Variants in RBFOX1 observed in about 807,000 individuals in gnomAD.
RBFOX1 encodes the protein RNA binding protein fox-1 homolog 1.
Under a neutral mutation model 57.7 loss-of-function variants are expected in RBFOX1, and 8 were observed. The observed-to-expected ratio is 0.14, with a 90% confidence interval of 0.08 to 0.25. The LOEUF is 0.25. Among genes scored for constraint, RBFOX1 ranks in the 10% least tolerant of loss-of-function variants. The probability of loss-of-function intolerance (pLI) is 1.00; values close to 1 mark genes in which losing one functional copy is unlikely to be tolerated. For synonymous variants in RBFOX1, 326 were observed against 222.4 expected, an observed-to-expected ratio of 1.47 and a Z score of -4.15; for missense variants, 611 against 548.5, an observed-to-expected ratio of 1.11 and a Z score of -1.14.
At chr16:6,596,411 C>T (rs2097777046) in intron 2 of RBFOX1, among the ~76,000 whole-genome samples, 1 of 152,022 alleles carries the variant, frequency 6.6e-6, no homozygotes, top group Non-Finnish European at 1.5e-5. Flanking sequence ...TGACTTTGAC[C>T]CTAGGGTGCG....
chr16:7,422,429 T>C (rs1321119677), intron 4 of RBFOX1, among the ~76,000 whole-genome samples: 1 of 152,192 alleles, frequency 6.6e-6, no homozygotes, highest in East Asian at 1.9e-4. Flanking sequence ...ATTACCTGCA[T>C]TATTTCGGTT....
chr16:5,525,376 C>T (rs1597396249), intron 2 of RBFOX1, among the ~76,000 whole-genome samples: 1 of 151,830 alleles, frequency 6.6e-6, no homozygotes, highest in Non-Finnish European at 1.5e-5. Context: ...TTTTATTACT[C>T]TGACTTTATA....
rs958667574 is a variant in RBFOX1 at position 6,639,411 on chromosome 16, G to A, written c.-63-15192G>A. ...TTCCCTTCCCAGGAGAACGTGTCCT[G>A]TTAGAAATTGCATCTTTTGTGGCCA... On this transcript the variant is annotated intron_variant, in intron 2 of 15. Coordinates refer to ENST00000550418, the MANE Select transcript of RBFOX1 (RefSeq NM_018723.4). 5.3e-5 allele frequency among the ~76,000 whole-genome samples: 8 copies of A among 152,154 alleles called. No homozygotes were observed. The East Asian group carries it at 9.6e-4, about 18-fold the overall frequency.
chr16:5,701,025 A>G (rs1232316256), intron 3 of RBFOX1, among the ~76,000 whole-genome samples: 2 of 152,200 alleles, frequency 1.3e-5, no homozygotes, highest in East Asian at 1.9e-4. Context: ...GTTCACTGCA[A>G]ATATGCTGTG....
At chr16:6,814,424 G>A (rs138374613) in intron 3 of RBFOX1, among the ~76,000 whole-genome samples, 41 of 152,284 alleles carry the variant, frequency 2.7e-4, no homozygotes, top group African/African-American at 8.4e-4. Context: ...TGTCAAGCCT[G>A]ACATTGGGTG....
chr16:5,396,554 A>G (rs188006735), intron 1 of RBFOX1, among the ~76,000 whole-genome samples: 6 of 152,300 alleles, frequency 3.9e-5, no homozygotes, highest in Non-Finnish European at 7.3e-5. Flanking sequence ...AGGCACAAGA[A>G]TCACTTGAAC....
At chr16:6,996,960 A>G (rs1373344551) in intron 3 of RBFOX1, among the ~76,000 whole-genome samples, 2 of 152,162 alleles carry the variant, frequency 1.3e-5, no homozygotes, top group Admixed American at 6.5e-5. Flanking sequence ...TTATCAAGAA[A>G]GTTTATAGGC....
At chr16:6,549,927 TACCAGTTCA>T (rs1480840068) in intron 2 of RBFOX1, among the ~76,000 whole-genome samples, 1 of 152,156 alleles carries the variant, frequency 6.6e-6, no homozygotes, top group Non-Finnish European at 1.5e-5. Flanking sequence ...TTGCTCTGCT[TACCAGTTCA>T]CAGATGCTTT....
intron 1 of RBFOX1, chr16:5,365,896 A>T (rs1291849560): frequency 2.0e-6 from 1 of 501,330 alleles, no homozygotes; most frequent in East Asian, 5.5e-5. Context: ...TTCAAGGTGG[A>T]TAATGATGAA....
rs569231179 is a variant in RBFOX1, at chr16:6,095,428, AC to A, written c.-127+75439del. ...GTGCACTTTCTGTGGAGCTGATTGG[AC>A]CCTTGGGGGATGGCCTTGCAGGTCA... On this transcript the variant is annotated intron_variant, in intron 1 of 15. Transcript: ENST00000550418. 1.8e-3 allele frequency among the ~76,000 whole-genome samples: 281 copies of A among 152,056 alleles called. 1 individual carries two copies. Among genetic ancestry groups the A allele is most frequent in the Non-Finnish European group, 3.2e-3 (215 of 67,994 alleles).
intron 3 of RBFOX1, among the ~76,000 whole-genome samples, chr16:6,677,312 A>G (rs2057901421): frequency 6.6e-6 from 1 of 152,166 alleles, no homozygotes; most frequent in African/African-American, 2.4e-5. Context: ...TCATTCCTTA[A>G]GGCCCTTTTG....
chr16:5,929,863 C>T (rs2059013453), intron 4 of RBFOX1, among the ~76,000 whole-genome samples: 1 of 140,510 alleles, frequency 7.1e-6, no homozygotes, highest in Non-Finnish European at 1.5e-5. Flanking sequence ...ACAGAGTCTT[C>T]TGAGAGTCCA....
At chr16:5,283,767 T>C (rs533594983) in intron 1 of RBFOX1, among the ~76,000 whole-genome samples, 1 of 152,310 alleles carries the variant, frequency 6.6e-6, no homozygotes, top group South Asian at 2.1e-4. Context: ...TTGTTTTTGA[T>C]TTTACATGCT....
In RBFOX1 at chr16:7,164,623, C is replaced by A. The variant is rs138215610; in HGVS notation, c.27+112525C>A. The stretch of plus-strand genomic sequence containing the variant: ...AACCACTTTTAATAACGTGTAATTT[C>A]TTTTCTGTGTATACACACACACAAA... On this transcript the variant is annotated intron_variant, in intron 4 of 15. Coordinates refer to ENST00000550418, the MANE Select transcript of RBFOX1 (RefSeq NM_018723.4). 1.3e-3 allele frequency among the ~76,000 whole-genome samples: 205 copies of A among 152,302 alleles called. 1 individual carries two copies. Among genetic ancestry groups the A allele is most frequent in the Non-Finnish European group, 2.2e-3 (148 of 68,022 alleles).
chr16:5,364,713 A>C (rs2065658731), intron 1 of RBFOX1, among the ~76,000 whole-genome samples: 1 of 152,192 alleles, frequency 6.6e-6, no homozygotes, highest in African/African-American at 2.4e-5. Flanking sequence ...AGGAATCTCC[A>C]AACAGTGAAT....
In RBFOX1 at chr16:6,002,025, G is replaced by T. The variant is rs187491540; in HGVS notation, c.351+134690G>T. 6.5e-3 allele frequency among the ~76,000 whole-genome samples: 756 copies of T among 116,162 alleles called. 23 individuals carry two copies. The highest frequency in any genetic ancestry group is 0.045 in the Admixed American group (559 of 12,312). The allele number at this position is 116,162 out of a possible 152,430, so 76.2% of individuals were successfully genotyped here. A position where few individuals can be genotyped will look rare whatever the true frequency, so the allele number is the denominator to read the frequency against. The stretch of plus-strand genomic sequence containing the variant: ...TCTGTCACTCAGGCTGGAGTGCCGT[G>T]GCATGATTTCAGCCCCTGGGCTGAA... On this transcript the variant is annotated intron_variant, in intron 4 of 19. Transcript: ENST00000641259.
chr16:7,251,935 C>T (rs1057167003), intron 4 of RBFOX1, among the ~76,000 whole-genome samples: 1 of 152,072 alleles, frequency 6.6e-6, no homozygotes, highest in Admixed American at 6.5e-5. Context: ...AATGGCTGTA[C>T]TAATTTGCAT....
chr16:5,981,075 G>T (rs527750472), intron 4 of RBFOX1, among the ~76,000 whole-genome samples: 27 of 152,238 alleles, frequency 1.8e-4, no homozygotes, highest in African/African-American at 5.5e-4. Flanking sequence ...ATGCTCAGTG[G>T]GTCCTACACC....
At chr16:5,489,683 C>T (rs1159148372) in intron 2 of RBFOX1, among the ~76,000 whole-genome samples, 1 of 152,172 alleles carries the variant, frequency 6.6e-6, no homozygotes, top group Non-Finnish European at 1.5e-5. Context: ...AAGGGGTGTG[C>T]CCAGTGCTTG....
Sources: allele counts gnomAD v4.1 joint callset (sites outside exome capture counted in the v4.1 genomes callset), GRCh38; gene constraint gnomAD v4.1.1; transcripts MANE v1.5; gene names NCBI Gene and HGNC (gene_info 2026-07-23, HGNC 2026-07-21).